The following RASL11A variants were observed in gnomAD, a reference collection of about 807,000 sequenced individuals.
RASL11A encodes RAS like family 11 member A, also known as ras-like protein family member 11A.
Under a neutral mutation model 17.1 loss-of-function variants are expected in RASL11A, and 14 were observed. That is an observed-to-expected ratio of 0.82 (90% CI 0.54 to 1.28). The LOEUF (loss-of-function observed/expected upper bound fraction) is 1.28, where lower values mean the gene tolerates loss of function less well. RASL11A is among the 50% of genes most tolerant of loss of function. The probability of loss-of-function intolerance (pLI) is 0.00; values close to 1 mark genes in which losing one functional copy is unlikely to be tolerated. For missense variants in RASL11A, 283 were observed against 312.3 expected, an observed-to-expected ratio of 0.91 and a Z score of 0.71; for synonymous variants, 146 against 132.5, an observed-to-expected ratio of 1.10 and a Z score of -0.70.
Position 27,274,370 on chromosome 13 carries a change from T to C in RASL11A, c.*876T>C, listed in dbSNP as rs80130407. Among the ~76,000 whole-genome samples the C allele has an allele frequency of 0.088, 13,437 of 152,230 alleles. 876 individuals carry two copies. The highest frequency in any genetic ancestry group is 0.12 in the Non-Finnish European group (8,300 of 67,992). Reference sequence around the variant, plus strand: ...CTACTAAAACTAACCCTAATCATTTTATTTCTATAAAAAACCCAGCTGGTT... The same window carrying C: ...CTACTAAAACTAACCCTAATCATTTCATTTCTATAAAAAACCCAGCTGGTT... On this transcript the variant is annotated 3_prime_UTR_variant, in exon 4 of 4. Transcript: ENST00000241463.
Position 27,273,094 on chromosome 13 carries a change from T to G in RASL11A, c.329T>G (p.Leu110Arg). ...SKCVQWAEGF[L>R]LVYSITDYDS... is the part of the protein sequence containing the mutation. ...TGCGTGCAGTGGGCCGAGGGTTTTCTGCTGGTCTATTCCATCACAGACTAT... is the reference window on the plus strand; with the variant it reads ...TGCGTGCAGTGGGCCGAGGGTTTTCGGCTGGTCTATTCCATCACAGACTAT... The change falls in exon 4 of 4, where the codon CTG (leucine) becomes CGG (arginine). Residue 110 changes from leucine (L) to arginine (R), a missense_variant. Physicochemically the swap from Leu to Arg is moderately radical, Grantham distance 102 (BLOSUM62 -2). Coordinates refer to ENST00000241463, the MANE Select transcript of RASL11A (RefSeq NM_206827.2). 6.2e-7 allele frequency: 1 copy of G among 1,614,214 alleles called. No individual in the cohort carries two copies. The highest frequency in any genetic ancestry group is 1.1e-5 in the South Asian group (1 of 91,080).
Position 27,273,272 on chromosome 13 carries a change from G to A in RASL11A, c.507G>A (p.Leu169=). 1.9e-6 allele frequency: 3 copies of A among 1,614,226 alleles called. No individual in the cohort carries two copies. Among genetic ancestry groups the A allele is most frequent in the Non-Finnish European group, 2.5e-6 (3 of 1,180,044 alleles). ...ACGGTATTCAGCTAGCCAATGAGCT[G>A]GGCAGCCTGTTCCTTGAAATTTCCA... ...TQDGIQLANE[L]GSLFLEISTS... is the part of the protein sequence containing the mutation. The change falls in exon 4 of 4, where the codon CTG becomes CTA. Residue 169 remains leucine, a synonymous_variant. Transcript: ENST00000241463.
In RASL11A at chr13:27,273,387, A is replaced by G; in HGVS notation, c.622A>G (p.Arg208Gly). Residue 208 changes from arginine to glycine, a missense_variant, in exon 4 of 4, where the codon AGA becomes GGA. Physicochemically the swap from Arg to Gly is moderately radical, Grantham distance 125. Coordinates refer to ENST00000241463, the MANE Select transcript of RASL11A (RefSeq NM_206827.2). The stretch of plus-strand genomic sequence containing the variant: ...GCACGGCCTCAGTGGGGAAAGAAGA[A>G]GAGCCTCCATCATCCCTCGGCCCCG... The part of the protein sequence containing the change: ...KMHGLSGERR[R>G]ASIIPRPRSP... 2 of 1,614,218 alleles carry G rather than the reference A, an allele frequency of 1.2e-6. No individual in the cohort carries two copies. The highest frequency in any genetic ancestry group is 1.7e-6 in the Non-Finnish European group (2 of 1,180,030).
At chr13:27,272,655 G>A (rs1882331110) in intron 3 of RASL11A, among the ~76,000 whole-genome samples, 1 of 151,954 alleles carries the variant, frequency 6.6e-6, no homozygotes, top group African/African-American at 2.4e-5. Flanking sequence ...TTATGAGTTT[G>A]GGAATAGATA....
Position 27,273,780 on chromosome 13 carries a change from C to G in RASL11A, c.*286C>G. 3.7e-6 allele frequency: 1 copy of G among 272,414 alleles called. No homozygotes were observed. The highest frequency in any genetic ancestry group is 6.2e-6 in the Non-Finnish European group (1 of 160,894). 16.9% of individuals were successfully genotyped at this position (272,414 alleles called of 1,614,324 possible). On this transcript the variant is annotated 3_prime_UTR_variant, in exon 4 of 4. Transcript: ENST00000241463. ...AAATGGCAACATTGCTCATTGTTTT[C>G]TCAATGTCTTTTTATAGAAATTGTA...
Position 27,271,405 on chromosome 13 carries a change from T to TC in RASL11A, c.125-73dup, listed in dbSNP as rs989801749. Reference sequence around the variant, plus strand: ...GTGCCCACGGTTCTGCACCCTTCACTCCCCCCAGTTTGTCCGAGGTGCCTG... The same window carrying TC: ...GTGCCCACGGTTCTGCACCCTTCACTCCCCCCCAGTTTGTCCGAGGTGCCTG... On this transcript the variant is annotated intron_variant, in intron 1 of 3. Coordinates refer to ENST00000241463, the MANE Select transcript of RASL11A (RefSeq NM_206827.2). The TC allele has an allele frequency of 2.7e-5, 42 of 1,576,394 alleles. No individual in the cohort carries two copies. The African/African-American group carries it at 5.3e-4, about 20-fold the overall frequency.
In RASL11A at chr13:27,273,405, C is replaced by T. The variant is rs1052031923; in HGVS notation, c.640C>T (p.Arg214Trp). The change falls in exon 4 of 4, where the codon CGG (arginine) becomes TGG (tryptophan). Residue 214 changes from arginine (R) to tryptophan (W), a missense_variant. Coordinates refer to ENST00000241463, the MANE Select transcript of RASL11A (RefSeq NM_206827.2). ...GERRRASIIP[R>W]PRSPNMQDLK... ...AAGAAGAAGAGCCTCCATCATCCCTCGGCCCCGCTCTCCCAACATGCAGGA... is the reference window on the plus strand; with the variant it reads ...AAGAAGAAGAGCCTCCATCATCCCTTGGCCCCGCTCTCCCAACATGCAGGA... 3.7e-6 allele frequency: 6 copies of T among 1,614,072 alleles called. No homozygotes were observed. Among genetic ancestry groups the T allele is most frequent in the African/African-American group, 1.3e-5 (1 of 74,910 alleles).
chr13:27,271,317 G>A (rs1882277406), intron 1 of RASL11A, 167 bp from the exon 2 acceptor site: 1 of 1,471,988 alleles, frequency 6.8e-7, no homozygotes, highest in East Asian at 2.5e-5. Context: ...GAGGTGTCCC[G>A]CCAGTCGTAC....
Position 27,273,635 on chromosome 13 carries a change from C to T in RASL11A, c.*141C>T. The T allele has an allele frequency of 2.8e-6, 1 of 353,110 alleles. No individual in the cohort carries two copies. Among genetic ancestry groups the T allele is most frequent in the East Asian group, 7.0e-5 (1 of 14,384 alleles). The allele number at this position is 353,110 out of a possible 1,614,324, so 21.9% of individuals were successfully genotyped here. A position where few individuals can be genotyped will look rare whatever the true frequency, so the allele number is the denominator to read the frequency against. ...AAGTACATGTGTATTTCTGAAAATT[C>T]AAACAGTGATTGCCTAGAAGCTGGA... is the stretch of plus-strand genomic sequence containing the variant. On this transcript the variant is annotated 3_prime_UTR_variant, in exon 4 of 4. Coordinates refer to ENST00000241463, the MANE Select transcript of RASL11A (RefSeq NM_206827.2).
Position 27,274,810 on chromosome 13 carries a change from C to A in RASL11A, c.*1316C>A, listed in dbSNP as rs1882434343. ...GATCCTGTCTTCCAATCTTCTAGTTCAGTGCTTCCCCATAGAGTGGTAAGT... is the reference window on the plus strand; with the variant it reads ...GATCCTGTCTTCCAATCTTCTAGTTAAGTGCTTCCCCATAGAGTGGTAAGT... On this transcript the variant is annotated 3_prime_UTR_variant, in exon 4 of 4. Coordinates refer to ENST00000241463, the MANE Select transcript of RASL11A (RefSeq NM_206827.2). Among the ~76,000 whole-genome samples the A allele has an allele frequency of 6.6e-6, 1 of 152,190 alleles. No individual in the cohort carries two copies. The highest frequency in any genetic ancestry group is 6.5e-5 in the Admixed American group (1 of 15,274).
At position 27,274,649 on chromosome 13, in the gene RASL11A, C is replaced by T. The variant is rs1179563787; in HGVS notation, c.*1155C>T. Among the ~76,000 whole-genome samples the T allele has an allele frequency of 2.0e-5, 3 of 152,160 alleles. No individual in the cohort carries two copies. Among genetic ancestry groups the T allele is most frequent in the Non-Finnish European group, 4.4e-5 (3 of 68,030 alleles). ...CATCTTTAAAAACCCAAGTCACATG[C>T]TATATTCAGCTCTGAAATGCCTTCT... On this transcript the variant is annotated 3_prime_UTR_variant, in exon 4 of 4. Coordinates refer to ENST00000241463, the MANE Select transcript of RASL11A (RefSeq NM_206827.2).
intron 3 of RASL11A, 46 bp downstream of exon 3, chr13:27,271,764 AC>A: frequency 6.6e-7 from 1 of 1,506,384 alleles, no homozygotes. Context: ...CCGTGAGACC[AC>A]CCCAGTGGGC....
chr13:27,271,515 C>A lies in RASL11A; in HGVS notation c.156C>A (p.Phe52Leu), dbSNP rs1393222474. 1 of 1,614,236 alleles carries A rather than the reference C, an allele frequency of 6.2e-7. No homozygotes were observed. The highest frequency in any genetic ancestry group is 8.5e-7 in the Non-Finnish European group (1 of 1,180,014). The part of the protein sequence containing the change: ...AMIVRFLTKR[F>L]IGDYEPNTGK... ...TCGTGCGCTTCCTGACCAAGAGATT[C>A]ATTGGAGACTATGAACCGAATACAG... Residue 52 changes from phenylalanine to leucine, a missense_variant, in exon 2 of 4, where the codon TTC (phenylalanine) becomes TTA (leucine). Physicochemically the swap from Phe to Leu is conservative, Grantham distance 22. Transcript: ENST00000241463.
chr13:27,272,869 T>C (rs1275714562), intron 3 of RASL11A, among the ~76,000 whole-genome samples, 158 bp from the exon 4 acceptor site: 2 of 152,188 alleles, frequency 1.3e-5, no homozygotes, highest in Non-Finnish European at 1.5e-5. Flanking sequence ...GTTCTTTCCA[T>C]ATCAAAAGCC....
Position 27,273,182 on chromosome 13 carries a change from A to G in RASL11A, c.417A>G (p.Lys139=). The G allele has an allele frequency of 6.2e-7, 1 of 1,614,182 alleles. No homozygotes were observed. The highest frequency in any genetic ancestry group is 8.5e-7 in the Non-Finnish European group (1 of 1,180,052). ...TCCGGAAGGTCCACCCTGACTCTAAAGCCCCTGTCATCATCGTGGGCAACA... is the reference window on the plus strand; with the variant it reads ...TCCGGAAGGTCCACCCTGACTCTAAGGCCCCTGTCATCATCGTGGGCAACA... ...QHIRKVHPDS[K]APVIIVGNKG... is the part of the protein sequence containing the mutation. The change falls in exon 4 of 4, where the codon AAA becomes AAG. Residue 139 remains lysine (K), a synonymous_variant. Coordinates refer to ENST00000241463, the MANE Select transcript of RASL11A (RefSeq NM_206827.2).
rs765248638 is a variant in RASL11A at position 27,273,504 on chromosome 13, G to A, written c.*10G>A. On this transcript the variant is annotated 3_prime_UTR_variant, in exon 4 of 4. Transcript: ENST00000241463. ...CTCTGCACTGGGGTGAACTATCTCAGACAGATGCCTCTCCTTTTTAATACG... is the reference window on the plus strand; with the variant it reads ...CTCTGCACTGGGGTGAACTATCTCAAACAGATGCCTCTCCTTTTTAATACG... 2.0e-5 allele frequency: 32 copies of A among 1,595,742 alleles called. No individual in the cohort carries two copies. Among genetic ancestry groups the A allele is most frequent in the Non-Finnish European group, 2.7e-5 (32 of 1,166,018 alleles).
intron 1 of RASL11A, 155 bp downstream of exon 1, chr13:27,271,223 C>T (rs1447534837): frequency 1.4e-6 from 2 of 1,449,350 alleles, no homozygotes; most frequent in East Asian, 2.5e-5. Flanking sequence ...CGGTCCGTCC[C>T]GGCCTGCTTC....
chr13:27,272,285 C>T (rs1882317150), intron 3 of RASL11A, among the ~76,000 whole-genome samples: 2 of 152,138 alleles, frequency 1.3e-5, no homozygotes, highest in Admixed American at 6.5e-5. Context: ...CCGGAACTCC[C>T]AGCTATTTAT....
At chr13:27,271,805 AG>A (rs1460386846) in intron 3 of RASL11A, 87 bp downstream of exon 3, 1 of 1,120,502 alleles carries the variant, frequency 8.9e-7, no homozygotes. Flanking sequence ...TGCTGGGCGC[AG>A]GGGTCTGAGC....
Sources: allele counts gnomAD v4.1 joint callset (sites outside exome capture counted in the v4.1 genomes callset), GRCh38; gene constraint gnomAD v4.1.1; transcripts MANE v1.5; gene names NCBI Gene and HGNC (gene_info 2026-07-23, HGNC 2026-07-21).